The following GRID1 variants were observed in gnomAD, a reference collection of about 807,000 sequenced individuals.
GRID1 encodes the protein glutamate ionotropic receptor delta type subunit 1.
GRID1 carries 28 observed loss-of-function variants against 98.0 expected under a neutral mutation model. The ratio of observed to expected loss-of-function variants is 0.29; its 90% CI spans 0.21 to 0.39. The LOEUF (loss-of-function observed/expected upper bound fraction) is 0.39, where lower values mean the gene tolerates loss of function less well. GRID1 is among the 10% of genes least tolerant of loss of function. GRID1 has a pLI of 1.00. For synonymous variants in GRID1, 553 were observed against 538.5 expected, an observed-to-expected ratio of 1.03 and a Z score of -0.37; for missense variants, 1,111 against 1,340.5, an observed-to-expected ratio of 0.83 and a Z score of 2.67.
chr10:85,831,194 AAACT>A (rs1207879344), intron 8 of GRID1, among the ~76,000 whole-genome samples: 1 of 152,146 alleles, frequency 6.6e-6, no homozygotes, highest in Non-Finnish European at 1.5e-5. Flanking sequence ...TTTCCTAAGC[AAACT>A]AACACAAGAA....
intron 9 of GRID1, 47 bp from the exon 10 acceptor site, chr10:85,728,099 C>T (rs1590207306): frequency 8.1e-7 from 1 of 1,231,966 alleles, no homozygotes; most frequent in East Asian, 2.3e-5. Flanking sequence ...ACAGGTTCAT[C>T]AACACATATT....
intron 2 of GRID1, among the ~76,000 whole-genome samples, chr10:86,213,659 C>T (rs111578200): frequency 0.051 from 7,691 of 152,100 alleles, 417 homozygotes; most frequent in African/African-American, 0.13. Flanking sequence ...GTTTGACCCA[C>T]CCCACTGAAC....
chr10:86,011,924 G>A (rs1276741602), intron 4 of GRID1, among the ~76,000 whole-genome samples: 1 of 152,158 alleles, frequency 6.6e-6, no homozygotes, highest in African/African-American at 2.4e-5. Context: ...TTGGGAGGCC[G>A]AAGCGAGCAG....
At chr10:86,354,465 C>T (rs1251164220) in intron 2 of GRID1, among the ~76,000 whole-genome samples, 1 of 152,182 alleles carries the variant, frequency 6.6e-6, no homozygotes, top group African/African-American at 2.4e-5. Flanking sequence ...CGCTAAGCAC[C>T]CCTCTCTCGG....
intron 8 of GRID1, among the ~76,000 whole-genome samples, chr10:85,838,161 G>A (rs1472851827): frequency 6.6e-6 from 1 of 152,198 alleles, no homozygotes; most frequent in African/African-American, 2.4e-5. Context: ...ATGGGATTAT[G>A]TAAAGAGACC....
At chr10:85,957,168 GGGATTACAATTC>G (rs1842205522) in intron 4 of GRID1, among the ~76,000 whole-genome samples, 1 of 152,130 alleles carries the variant, frequency 6.6e-6, no homozygotes, top group Non-Finnish European at 1.5e-5. Flanking sequence ...CCAACACGTG[GGGATTACAATTC>G]GGATTACAAT....
intron 2 of GRID1, among the ~76,000 whole-genome samples, chr10:86,233,076 G>C (rs1055670725): frequency 6.6e-6 from 1 of 152,052 alleles, no homozygotes; most frequent in Non-Finnish European, 1.5e-5. Flanking sequence ...CCAGGCCTTT[G>C]CAGGAGAACG....
intron 8 of GRID1, among the ~76,000 whole-genome samples, chr10:85,844,740 TAAC>T (rs1842990611): frequency 6.6e-6 from 1 of 151,896 alleles, no homozygotes; most frequent in Non-Finnish European, 1.5e-5. Flanking sequence ...AAAATAATAA[TAAC>T]AGCATGGTAT....
intron 5 of GRID1, among the ~76,000 whole-genome samples, chr10:85,898,332 CTG>C (rs1016150638): frequency 1.2e-4 from 18 of 152,238 alleles, no homozygotes; most frequent in African/African-American, 3.9e-4. Context: ...TGTTGAGTAA[CTG>C]TGAAGGCTCA....
At chr10:86,084,671 T>C (rs919606673) in intron 4 of GRID1, among the ~76,000 whole-genome samples, 1 of 152,218 alleles carries the variant, frequency 6.6e-6, no homozygotes, top group African/African-American at 2.4e-5. Context: ...AAATGGTGTC[T>C]ATCCATGCAA....
intron 12 of GRID1, among the ~76,000 whole-genome samples, chr10:85,712,242 C>T (rs1841589958): frequency 6.6e-6 from 1 of 151,496 alleles, no homozygotes. Context: ...AAACATGATC[C>T]AACTATATGC....
chr10:86,049,066 C>A (rs1843464310), intron 4 of GRID1, among the ~76,000 whole-genome samples: 1 of 152,226 alleles, frequency 6.6e-6, no homozygotes, highest in African/African-American at 2.4e-5. Context: ...CCCTGTTTCA[C>A]AGATGAGGAG....
chr10:86,205,615 G>C (rs113950364), intron 3 of GRID1, among the ~76,000 whole-genome samples: 1 of 152,226 alleles, frequency 6.6e-6, no homozygotes, highest in African/African-American at 2.4e-5. Context: ...TCCCTAGGTT[G>C]CTCCTTATAA....
intron 12 of GRID1, among the ~76,000 whole-genome samples, chr10:85,708,125 A>AAC (rs1554826228): frequency 0.027 from 3,402 of 127,346 alleles, 67 homozygotes; most frequent in Non-Finnish European, 0.04. Flanking sequence ...AAAAAAAAAA[A>AAC]AAAAAACACA....
intron 2 of GRID1, among the ~76,000 whole-genome samples, chr10:86,271,806 C>T (rs958284987): frequency 6.6e-6 from 1 of 152,070 alleles, no homozygotes; most frequent in Non-Finnish European, 1.5e-5. Flanking sequence ...AGTGGTCTAA[C>T]ATATGTGTAA....
chr10:86,148,295 G>A (rs1160222770), intron 3 of GRID1, among the ~76,000 whole-genome samples: 1 of 152,204 alleles, frequency 6.6e-6, no homozygotes, highest in Non-Finnish European at 1.5e-5. Flanking sequence ...CCTTTGAAAA[G>A]AAGGAAATCC....
chr10:85,924,754 G>A (rs182917752), intron 4 of GRID1, among the ~76,000 whole-genome samples: 2 of 152,342 alleles, frequency 1.3e-5, no homozygotes, highest in East Asian at 1.9e-4. Context: ...GTAAAATTCT[G>A]ATAGATGTGA....
intron 2 of GRID1, among the ~76,000 whole-genome samples, chr10:86,333,899 T>C (rs1214647633): frequency 1.3e-5 from 2 of 152,080 alleles, no homozygotes; most frequent in Non-Finnish European, 2.9e-5. Context: ...AAAATCCTTG[T>C]GTAAATGGAC....
chr10:86,293,641 G>T (rs968747060), intron 2 of GRID1, among the ~76,000 whole-genome samples: 7 of 152,204 alleles, frequency 4.6e-5, no homozygotes, highest in Non-Finnish European at 1.5e-5. Flanking sequence ...CCAGGCCCTG[G>T]ATTCAGGGCT....
Sources: allele counts gnomAD v4.1 joint callset (sites outside exome capture counted in the v4.1 genomes callset), GRCh38; gene constraint gnomAD v4.1.1; transcripts MANE v1.5; gene names NCBI Gene and HGNC (gene_info 2026-07-23, HGNC 2026-07-21).